The following OPN5 variants were observed in gnomAD, a reference collection of about 807,000 sequenced individuals.
The protein encoded by OPN5 is opsin-5.
OPN5 carries 18 observed loss-of-function variants against 41.7 expected under a neutral mutation model. The observed-to-expected ratio is 0.43, with a 90% CI of 0.30 to 0.64. The LOEUF is 0.64. Among genes scored for constraint, OPN5 ranks in the 30% least tolerant of loss-of-function variants. OPN5 has a pLI of 0.13. For synonymous variants in OPN5, 178 were observed against 164.3 expected, an observed-to-expected ratio of 1.08 and a Z score of -0.64; for missense variants, 318 against 434.5, an observed-to-expected ratio of 0.73 and a Z score of 2.38.
At chr6:47,800,883 A>T (rs190996790) in intron 4 of OPN5, among the ~76,000 whole-genome samples, 3 of 152,306 alleles carry the variant, frequency 2.0e-5, no homozygotes, top group South Asian at 4.1e-4. Flanking sequence ...AGTTTTTCTA[A>T]ATATTATTAT....
intron 6 of OPN5, among the ~76,000 whole-genome samples, chr6:47,812,733 C>A (rs138803660): frequency 5.5e-4 from 84 of 152,272 alleles, no homozygotes; most frequent in Non-Finnish European, 9.9e-4. Context: ...CAGGTGTTCT[C>A]TATGCTTCTC....
At chr6:47,786,601 A>G (rs1309079895) in exon 2 of OPN5, 2 of 1,613,364 alleles carry the variant, frequency 1.2e-6, no homozygotes, top group Non-Finnish European at 8.5e-7. Context: ...AATAATGACT[A>G]TCAATTTAGC....
At chr6:47,796,400 C>T (rs1431483615) in intron 4 of OPN5, among the ~76,000 whole-genome samples, 1 of 152,142 alleles carries the variant, frequency 6.6e-6, no homozygotes, top group South Asian at 2.1e-4. Context: ...AAGTCTAAAG[C>T]AGTGGTCTTC....
At chr6:47,809,914 A>T (rs1337216663) in intron 5 of OPN5, among the ~76,000 whole-genome samples, 1 of 152,212 alleles carries the variant, frequency 6.6e-6, no homozygotes, top group Non-Finnish European at 1.5e-5. Flanking sequence ...TGGGAGTTTG[A>T]CAGGAATGAC....
chr6:47,823,859 C>A, intron 6 of OPN5, 124 bp from the exon 7 acceptor site: 1 of 739,792 alleles, frequency 1.4e-6, no homozygotes, highest in Non-Finnish European at 2.4e-6. Context: ...TGACAATGTC[C>A]ATCGCAATCC....
intron 3 of OPN5, 143 bp from the exon 4 acceptor site, chr6:47,795,086 C>A: frequency 1.5e-6 from 1 of 653,740 alleles, no homozygotes; most frequent in Non-Finnish European, 2.5e-6. Context: ...GTTTACTCCA[C>A]TCTCCCTCAG....
chr6:47,792,559 A>C (rs183311361), intron 3 of OPN5, among the ~76,000 whole-genome samples: 12 of 152,360 alleles, frequency 7.9e-5, no homozygotes, highest in African/African-American at 2.4e-4. Context: ...GCAGAAAATA[A>C]GTTTCCAGGG....
At chr6:47,820,421 C>T (rs1029702413) in intron 6 of OPN5, among the ~76,000 whole-genome samples, 8 of 152,114 alleles carry the variant, frequency 5.3e-5, no homozygotes, top group African/African-American at 1.9e-4. Flanking sequence ...ATATGGTTGA[C>T]CGATTTATTC....
chr6:47,806,047 C>T (rs920501062), intron 4 of OPN5, among the ~76,000 whole-genome samples: 9 of 151,884 alleles, frequency 5.9e-5, no homozygotes, highest in African/African-American at 2.2e-4. Flanking sequence ...CTTGGTCAGA[C>T]TTGGGTCATG....
intron 3 of OPN5, among the ~76,000 whole-genome samples, chr6:47,793,278 T>C (rs923904503): frequency 1.3e-5 from 2 of 152,176 alleles, no homozygotes; most frequent in Non-Finnish European, 2.9e-5. Flanking sequence ...GTTTAGGCTT[T>C]GTCAGTTAAA....
At chr6:47,794,999 A>G in intron 3 of OPN5, 1 of 459,698 alleles carries the variant, frequency 2.2e-6, no homozygotes, top group Non-Finnish European at 3.9e-6. Flanking sequence ...TCTCCCTCCC[A>G]AAGCTCCCAG....
intron 3 of OPN5, among the ~76,000 whole-genome samples, chr6:47,792,575 A>C (rs1335622814): frequency 6.6e-6 from 1 of 152,202 alleles, no homozygotes; most frequent in Admixed American, 6.5e-5. Flanking sequence ...CAGGGACTAA[A>C]TATATGTTTT....
intron 6 of OPN5, among the ~76,000 whole-genome samples, chr6:47,822,787 T>C (rs1165452722): frequency 6.6e-6 from 1 of 152,232 alleles, no homozygotes; most frequent in Non-Finnish European, 1.5e-5. Flanking sequence ...TTACAGGTTT[T>C]TTTATACCGT....
chr6:47,786,691 T>A, intron 2 of OPN5, 57 bp downstream of exon 2: 1 of 1,513,636 alleles, frequency 6.6e-7, no homozygotes, highest in Admixed American at 1.7e-5. Flanking sequence ...CATTCTAAAG[T>A]ACTCACTGTC....
intron 4 of OPN5, among the ~76,000 whole-genome samples, chr6:47,806,832 T>C (rs1258794603): frequency 6.6e-6 from 1 of 152,196 alleles, no homozygotes; most frequent in African/African-American, 2.4e-5. Context: ...TTTCTTTATT[T>C]CTACTTGCCA....
chr6:47,792,999 TA>T (rs781300858), intron 3 of OPN5, among the ~76,000 whole-genome samples: 1,588 of 147,042 alleles, frequency 0.011, 39 homozygotes, highest in African/African-American at 0.037. Flanking sequence ...TTTTTTTTTT[TA>T]AAGTTTACAT....
At chr6:47,824,369 G>A (rs377085391) in exon 7 of OPN5, 189 of 277,218 alleles carry the variant, frequency 6.8e-4, no homozygotes, top group African/African-American at 3.7e-3. Flanking sequence ...GACTGGAGCA[G>A]CTACACTCCC....
chr6:47,812,541 T>C (rs1317400361), intron 6 of OPN5, among the ~76,000 whole-genome samples: 5 of 152,120 alleles, frequency 3.3e-5, no homozygotes, highest in Non-Finnish European at 5.9e-5. Flanking sequence ...GGTAAAGAGA[T>C]GTAGATATGA....
At chr6:47,809,746 AC>A (rs2113989249) in intron 5 of OPN5, among the ~76,000 whole-genome samples, 1 of 152,346 alleles carries the variant, frequency 6.6e-6, no homozygotes, top group East Asian at 1.9e-4. Flanking sequence ...GTTGAATTGA[AC>A]AGTTAAATCC....
Sources: gnomAD v4.1 joint callset for allele counts (sites outside exome capture counted in the v4.1 genomes callset) on GRCh38, gnomAD v4.1.1 for gene constraint, MANE v1.5 for transcripts, NCBI Gene and HGNC (gene_info 2026-07-23, HGNC 2026-07-21) for gene names.